The following CAND2 variants were observed in gnomAD, a reference collection of about 807,000 sequenced individuals.
CAND2 encodes the protein cullin associated and neddylation dissociated 2 (putative).
A neutral mutation model predicts 98.9 loss-of-function variants in CAND2; 62 were observed. That is an observed-to-expected ratio of 0.63 (90% CI 0.51 to 0.77). The LOEUF is 0.77. Ranked by LOEUF, CAND2 falls within the 30% of genes least tolerant of loss-of-function variation. The pLI, the probability that CAND2 is intolerant of heterozygous loss-of-function variation, is 0.00. For missense variants in CAND2, 1,501 were observed against 1,655.2 expected (o/e 0.91, Z 1.62); for synonymous variants, 770 against 731.9 (o/e 1.05, Z -0.84).
intron 10 of CAND2, 125 bp from the exon 11 acceptor site, chr3:12,819,961 A>C: frequency 1.4e-6 from 1 of 706,474 alleles, no homozygotes; most frequent in South Asian, 1.7e-5. Flanking sequence ...ACTTTCCCAG[A>C]GATGGGGAGG....
In CAND2 at chr3:12,796,689, C is replaced by T; in HGVS notation, c.-32C>T. The T allele has an allele frequency of 6.4e-7, 1 of 1,558,720 alleles. No individual in the cohort carries two copies. Among genetic ancestry groups the T allele is most frequent in the East Asian group, 2.4e-5 (1 of 41,654 alleles). On this transcript the variant is annotated 5_prime_UTR_variant, in exon 1 of 15. Coordinates refer to ENST00000456430, the MANE Select transcript of CAND2 (RefSeq NM_001162499.2). ...GGGCGCCCGCGCCGCCATATTCCCTCCCGCCGGCCGGCTCCGCGGCGCGCA... is the reference window on the plus strand; with the variant it reads ...GGGCGCCCGCGCCGCCATATTCCCTTCCGCCGGCCGGCTCCGCGGCGCGCA...
At chr3:12,831,752 C>T (rs558933257) in intron 14 of CAND2, among the ~76,000 whole-genome samples, 180 bp downstream of exon 14, 2 of 152,334 alleles carry the variant, frequency 1.3e-5, no homozygotes, top group South Asian at 2.1e-4. Flanking sequence ...CACAGGGGAA[C>T]AGAGGCTTTG....
At chr3:12,818,066 A>C (rs550173195) in intron 10 of CAND2, among the ~76,000 whole-genome samples, 190 bp downstream of exon 10, 1 of 152,332 alleles carries the variant, frequency 6.6e-6, no homozygotes, top group East Asian at 1.9e-4. Context: ...CCTTCCTCCT[A>C]TGGGACTGTG....
At chr3:12,833,703 G>A (rs889189707) in intron 14 of CAND2, 52 bp from the exon 15 acceptor site, 1 of 1,417,458 alleles carries the variant, frequency 7.1e-7, no homozygotes, top group Non-Finnish European at 1.0e-6. Context: ...GGAGGCAGTG[G>A]TGTGGGCCAG....
rs1329534769 is a variant in CAND2 at position 12,827,421 on chromosome 3, A to G, written c.3211-19A>G. On this transcript the variant is annotated intron_variant, in intron 12 of 14. Transcript: ENST00000456430. Reference sequence around the variant, plus strand: ...CTTACACCCTGGGGCCATATCACCAACCTTCATCCCTCCTGCAGGTGGAGA... The same window carrying G: ...CTTACACCCTGGGGCCATATCACCAGCCTTCATCCCTCCTGCAGGTGGAGA... 8 of 1,608,054 alleles carry G rather than the reference A, an allele frequency of 5.0e-6. No individual in the cohort carries two copies. In the South Asian group the frequency reaches 8.9e-5, roughly 18 times the overall value.
intron 1 of CAND2, among the ~76,000 whole-genome samples, chr3:12,803,240 C>A (rs910269386): frequency 1.3e-5 from 2 of 152,164 alleles, no homozygotes; most frequent in Non-Finnish European, 2.9e-5. Context: ...GATCTGCCCA[C>A]CTCGGCCTCC....
At position 12,827,578 on chromosome 3, in the gene CAND2, G is replaced by T. The variant is rs774399301; in HGVS notation, c.3349G>T (p.Gly1117Trp). 61 of 1,612,850 alleles carry T rather than the reference G, an allele frequency of 3.8e-5. No homozygotes were observed. Among genetic ancestry groups the T allele is most frequent in the Non-Finnish European group, 4.7e-5 (56 of 1,179,336 alleles). The change falls in exon 13 of 15, where the codon GGG becomes TGG. Residue 1117 changes from glycine to tryptophan, a missense_variant. This residue lies in a region of CAND2 where 1,427 missense variants were observed against 1,545.3 expected (regional missense o/e 0.92). Transcript: ENST00000456430. The part of the protein sequence containing the change: ...ICEFLNHVED[G>W]LKDHYDIRML... ...TGAGTTCCTGAACCATGTGGAGGAC[G>T]GGCTGAAGGACCACTACGACATCCG...
At chr3:12,801,012 T>G (rs2061761899) in intron 1 of CAND2, among the ~76,000 whole-genome samples, 3 of 145,372 alleles carry the variant, frequency 2.1e-5, no homozygotes, top group Admixed American at 1.4e-4. Context: ...CGTGAGCTGC[T>G]GCGCCCAGCC....
chr3:12,827,124 C>G (rs1049201934), intron 12 of CAND2, among the ~76,000 whole-genome samples: 3 of 152,192 alleles, frequency 2.0e-5, no homozygotes, highest in Non-Finnish European at 4.4e-5. Context: ...AACCACTGTG[C>G]CTGGCCAGTA....
chr3:12,808,874 C>T (rs1038465321), intron 4 of CAND2, among the ~76,000 whole-genome samples: 9 of 152,106 alleles, frequency 5.9e-5, no homozygotes, highest in African/African-American at 1.9e-4. Flanking sequence ...CTTGGGGTCC[C>T]AGAGTCTGCC....
intron 5 of CAND2, among the ~76,000 whole-genome samples, chr3:12,811,100 G>A (rs931242037): frequency 1.3e-4 from 19 of 151,494 alleles, no homozygotes; most frequent in African/African-American, 4.6e-4. Context: ...ACTGCAAGGG[G>A]CCTTGCAGGC....
chr3:12,833,004 C>G (rs2062067946), intron 14 of CAND2, among the ~76,000 whole-genome samples: 1 of 152,190 alleles, frequency 6.6e-6, no homozygotes, highest in African/African-American at 2.4e-5. Flanking sequence ...CGAGGCAGCT[C>G]TTACTTATAG....
intron 5 of CAND2, among the ~76,000 whole-genome samples, chr3:12,811,938 G>A (rs969776523): frequency 6.7e-6 from 1 of 149,832 alleles, no homozygotes; most frequent in African/African-American, 2.5e-5. Flanking sequence ...TGAGTCTCGT[G>A]TCTTGCTCTG....
At chr3:12,800,561 A>G (rs1166318994) in intron 1 of CAND2, among the ~76,000 whole-genome samples, 4 of 152,306 alleles carry the variant, frequency 2.6e-5, no homozygotes, top group South Asian at 2.1e-4. Context: ...ACATGCCTGC[A>G]GGAGCCAGTC....
chr3:12,829,518 T>C (rs75307333), intron 13 of CAND2, among the ~76,000 whole-genome samples: 3,431 of 152,280 alleles, frequency 0.023, 50 homozygotes, highest in Non-Finnish European at 0.03. Context: ...TAATACAAAG[T>C]AATCAAAAGT....
In CAND2 at chr3:12,813,047, A is replaced by C. The variant is rs375574645; in HGVS notation, c.815A>C (p.Asp272Ala). The C allele has an allele frequency of 6.3e-7, 1 of 1,584,664 alleles. No homozygotes were observed. Among genetic ancestry groups the C allele is most frequent in the Non-Finnish European group, 8.6e-7 (1 of 1,166,238 alleles). Reference protein sequence around the residue: ...LVEDFCNLDDDELRESCLQAF... With the variant: ...LVEDFCNLDDAELRESCLQAF... Reference sequence around the variant, plus strand: ...GAGGATTTCTGCAACCTGGATGATGATGAGCTCCGGGAGTCCTGCCTCCAG... The same window carrying C: ...GAGGATTTCTGCAACCTGGATGATGCTGAGCTCCGGGAGTCCTGCCTCCAG... Residue 272 changes from aspartate (D) to alanine (A), a missense_variant, in exon 6 of 15, where the codon GAT (aspartate) becomes GCT (alanine). Physicochemically the swap from Asp to Ala is moderately radical, Grantham distance 126 (BLOSUM62 -2). Around this residue, in one of 3 missense-constraint regions of CAND2, gnomAD observed 1,427 missense variants for 1,545.3 expected, o/e 0.92. Coordinates refer to ENST00000456430, the MANE Select transcript of CAND2 (RefSeq NM_001162499.2).
intron 10 of CAND2, among the ~76,000 whole-genome samples, chr3:12,818,785 CCTT>C (rs1054824623): frequency 5.9e-5 from 9 of 152,166 alleles, no homozygotes; most frequent in Non-Finnish European, 1.2e-4. Flanking sequence ...TCAGTTAAGG[CCTT>C]CTTGGGTTGC....
chr3:12,797,171 TC>T (rs1196952162), intron 1 of CAND2, among the ~76,000 whole-genome samples: 4 of 4,330 alleles, frequency 9.2e-4, no homozygotes, highest in South Asian at 7.0e-3. Context: ...CAGCGCCCCC[TC>T]CCCCCCGCCC....
chr3:12,827,620 CT>C lies in CAND2; in HGVS notation c.3375+17del. Reference sequence around the variant, plus strand: ...CGACATCCGGGTAAGACCAAGCCCCCTGCCAGATCTATGTGCCCCTGTACCA... The same window carrying C: ...CGACATCCGGGTAAGACCAAGCCCCCGCCAGATCTATGTGCCCCTGTACCA... On this transcript the variant is annotated intron_variant, in intron 13 of 14. Coordinates refer to ENST00000456430, the MANE Select transcript of CAND2 (RefSeq NM_001162499.2). 1.9e-6 allele frequency: 3 copies of C among 1,593,666 alleles called. No homozygotes were observed. The highest frequency in any genetic ancestry group is 2.6e-6 in the Non-Finnish European group (3 of 1,167,706).
Sources: gnomAD v4.1 joint callset for allele counts (sites outside exome capture counted in the v4.1 genomes callset) on GRCh38, gnomAD v4.1.1 for gene constraint, gnomAD v4.1.1 regional missense constraint, MANE v1.5 for transcripts, NCBI Gene and HGNC (gene_info 2026-07-23, HGNC 2026-07-21) for gene names.